RAPGEF4: variants seen among roughly 807,000 people sequenced by gnomAD.
RAPGEF4 encodes the protein RAP guanine-nucleotide-exchange factor (GEF) 4.
In RAPGEF4, 66 loss-of-function variants were observed where a neutral mutation model predicts 147.9. That is an observed-to-expected ratio of 0.45 (90% CI 0.37 to 0.55). The LOEUF (loss-of-function observed/expected upper bound fraction) is 0.55. RAPGEF4 is among the 20% of genes least tolerant of loss of function. The pLI is 0.00. For synonymous variants in RAPGEF4, 419 were observed against 442.7 expected, an observed-to-expected ratio of 0.95 and a Z score of 0.67; for missense variants, 1,071 against 1,257.3, an observed-to-expected ratio of 0.85 and a Z score of 2.24.
At chr2:172,898,741 G>A (rs528744274) in intron 4 of RAPGEF4, among the ~76,000 whole-genome samples, 49 of 152,256 alleles carry the variant, frequency 3.2e-4, no homozygotes, top group African/African-American at 1.2e-3. Flanking sequence ...CCCTCCCTAT[G>A]GGCCGCCACA....
chr2:173,024,408 G>A lies in RAPGEF4; in HGVS notation c.2254-2164G>A, dbSNP rs889213111. On this transcript the variant is annotated intron_variant, in intron 23 of 30. Coordinates refer to ENST00000397081, the MANE Select transcript of RAPGEF4 (RefSeq NM_007023.4). Reference sequence around the variant, plus strand: ...AATTTTTTGTATTTTTAGTAGAGACGGGGTTTCACCGTTTTAGCCAGGATG... The same window carrying A: ...AATTTTTTGTATTTTTAGTAGAGACAGGGTTTCACCGTTTTAGCCAGGATG... 1.9e-4 allele frequency among the ~76,000 whole-genome samples: 27 copies of A among 143,950 alleles called. 1 individual carries two copies. In the East Asian group the frequency reaches 3.8e-3, roughly 20 times the overall value. The allele number at this position is 143,950 out of a possible 152,430, so 94.4% of individuals were successfully genotyped here. A position where few individuals can be genotyped will look rare whatever the true frequency, so the allele number is the denominator to read the frequency against.
At chr2:172,849,230 T>G (rs1388403277) in intron 4 of RAPGEF4, among the ~76,000 whole-genome samples, 1 of 152,224 alleles carries the variant, frequency 6.6e-6, no homozygotes, top group Non-Finnish European at 1.5e-5. Context: ...AACTGATTTA[T>G]AGTTCTCACT....
At chr2:172,879,835 G>T (rs551150567) in intron 4 of RAPGEF4, among the ~76,000 whole-genome samples, 1 of 152,130 alleles carries the variant, frequency 6.6e-6, no homozygotes, top group Non-Finnish European at 1.5e-5. Context: ...TTTGTTAAGC[G>T]TATATAAAAA....
chr2:172,835,137 T>C lies in RAPGEF4; in HGVS notation c.444+20712T>C, dbSNP rs76012921. On this transcript the variant is annotated intron_variant, in intron 4 of 30. Transcript: ENST00000397081. The stretch of plus-strand genomic sequence containing the variant: ...CTTTTCTCTGCTAAAGGTTGGGAAA[T>C]GATATGCGTCTAAGCAAGAGTAAAT... 4.0e-3 allele frequency among the ~76,000 whole-genome samples: 610 copies of C among 152,304 alleles called. 4 individuals carry two copies. The highest frequency in any genetic ancestry group is 0.014 in the African/African-American group (595 of 41,564).
At chr2:173,033,684 A>C (rs1366419827) in intron 26 of RAPGEF4, among the ~76,000 whole-genome samples, 1 of 152,204 alleles carries the variant, frequency 6.6e-6, no homozygotes, top group Non-Finnish European at 1.5e-5. Flanking sequence ...GTAACACCAA[A>C]GCATTCATAG....
intron 13 of RAPGEF4, 65 bp downstream of exon 13, chr2:172,988,337 T>C (rs1692483381): frequency 6.5e-7 from 1 of 1,539,800 alleles, no homozygotes; most frequent in African/African-American, 1.4e-5. Flanking sequence ...CTCTAAGTAT[T>C]AGCAATGTAG....
chr2:172,776,485 T>C (rs1050270969), intron 1 of RAPGEF4, among the ~76,000 whole-genome samples: 1 of 152,156 alleles, frequency 6.6e-6, no homozygotes, highest in African/African-American at 2.4e-5. Flanking sequence ...AACTGGAAAA[T>C]TTTCATCCAT....
intron 14 of RAPGEF4, among the ~76,000 whole-genome samples, chr2:172,990,224 A>G (rs942114933): frequency 4.6e-5 from 7 of 152,190 alleles, no homozygotes; most frequent in Admixed American, 1.3e-4. Flanking sequence ...AACTCCTTCA[A>G]GTTTACACAC....
chr2:173,035,698 A>G (rs1333424425), intron 27 of RAPGEF4, among the ~76,000 whole-genome samples: 5 of 152,110 alleles, frequency 3.3e-5, no homozygotes, highest in African/African-American at 7.2e-5. Flanking sequence ...CTAATAGCCT[A>G]CTGTTGACTA....
At chr2:173,000,674 G>A (rs796124732) in intron 16 of RAPGEF4, among the ~76,000 whole-genome samples, 22 of 151,130 alleles carry the variant, frequency 1.5e-4, no homozygotes, top group African/African-American at 5.1e-4. Context: ...ACCAGCTTCT[G>A]TTTTGTTAGC....
At chr2:172,985,354 GC>G (rs1488277930) in intron 11 of RAPGEF4, 78 bp from the exon 12 acceptor site, 17 of 1,600,000 alleles carry the variant, frequency 1.1e-5, no homozygotes, top group Non-Finnish European at 1.5e-5. Flanking sequence ...TTTGCATTGT[GC>G]CCCCAGAAAG....
chr2:172,992,770 A>G (rs537346365), intron 15 of RAPGEF4, among the ~76,000 whole-genome samples: 20 of 152,332 alleles, frequency 1.3e-4, no homozygotes, highest in Admixed American at 7.2e-4. Flanking sequence ...TCAAAAACTT[A>G]TGCATGTTCA....
chr2:172,806,945 T>C (rs933860394), intron 3 of RAPGEF4, among the ~76,000 whole-genome samples: 6 of 152,264 alleles, frequency 3.9e-5, no homozygotes, highest in Non-Finnish European at 7.3e-5. Flanking sequence ...CGGATCTCTC[T>C]ACCTTTGTCT....
chr2:172,892,488 C>G (rs1698035033), intron 4 of RAPGEF4, among the ~76,000 whole-genome samples: 1 of 152,210 alleles, frequency 6.6e-6, no homozygotes, highest in African/African-American at 2.4e-5. Flanking sequence ...AGGACTGTTT[C>G]CTAACCCACA....
chr2:173,044,073 G>T (rs764074258), intron 29 of RAPGEF4, among the ~76,000 whole-genome samples: 1 of 152,152 alleles, frequency 6.6e-6, no homozygotes, highest in Non-Finnish European at 1.5e-5. Flanking sequence ...ACCGAGCAGC[G>T]CTGTCTTATA....
intron 4 of RAPGEF4, among the ~76,000 whole-genome samples, chr2:172,862,182 C>T (rs1694125693): frequency 6.6e-6 from 1 of 152,112 alleles, no homozygotes; most frequent in Non-Finnish European, 1.5e-5. Context: ...TGGAAAAATC[C>T]CATAATAATA....
intron 4 of RAPGEF4, among the ~76,000 whole-genome samples, chr2:172,891,804 A>G (rs1335578304): frequency 6.6e-6 from 1 of 152,270 alleles, no homozygotes; most frequent in Admixed American, 6.5e-5. Context: ...GCTTTCAAGT[A>G]TAAATACAAA....
At chr2:172,817,990 G>T (rs1004272346) in intron 4 of RAPGEF4, among the ~76,000 whole-genome samples, 4 of 147,552 alleles carry the variant, frequency 2.7e-5, no homozygotes, top group African/African-American at 9.9e-5. Context: ...ACACACCATG[G>T]AATACTACTC....
At chr2:173,022,822 G>A (rs992164339) in intron 23 of RAPGEF4, among the ~76,000 whole-genome samples, 1 of 152,224 alleles carries the variant, frequency 6.6e-6, no homozygotes, top group African/African-American at 2.4e-5. Flanking sequence ...TAAGGGTTCA[G>A]ATTCTGAAAC....
Sources: allele counts gnomAD v4.1 joint callset (sites outside exome capture counted in the v4.1 genomes callset), GRCh38; gene constraint gnomAD v4.1.1; transcripts MANE v1.5; gene names NCBI Gene and HGNC (gene_info 2026-07-23, HGNC 2026-07-21).